The following RNF182 variants were observed in gnomAD, a reference collection of about 807,000 sequenced individuals.
RNF182 encodes the protein E3 ubiquitin-protein ligase RNF182.
In RNF182, 15 loss-of-function variants were observed where a neutral mutation model predicts 14.4. That is an observed-to-expected ratio of 1.04 (90% CI 0.70 to 1.60). The LOEUF (loss-of-function observed/expected upper bound fraction) is 1.60. Ranked by LOEUF, RNF182 falls within the 40% of genes most tolerant of loss-of-function variation. RNF182 has a pLI of 0.00. For synonymous variants in RNF182, 128 were observed against 122.9 expected (o/e 1.04, Z -0.27); for missense variants, 268 against 294.8 (o/e 0.91, Z 0.67).
At position 13,951,317 on chromosome 6, in the gene RNF182, A is replaced by G. The variant is rs1042038300; in HGVS notation, c.-366-22893A>G. ...AGTTTCTAGGGCCTAATAAGCAGGC[A>G]TGGTTGGAAGGCAAAACAGATCCTC... On this transcript the variant is annotated intron_variant, in intron 1 of 2. Transcript: ENST00000488300. Among the ~76,000 whole-genome samples, 36 of 152,228 alleles carry G rather than the reference A, an allele frequency of 2.4e-4. 1 individual carries two copies. Among genetic ancestry groups the G allele is most frequent in the Non-Finnish European group, 1.2e-4 (8 of 68,036 alleles).
intron 1 of RNF182, among the ~76,000 whole-genome samples, chr6:13,952,884 C>G (rs963999017): frequency 2.0e-5 from 3 of 152,112 alleles, no homozygotes; most frequent in Admixed American, 2.0e-4. Context: ...GATAACAAAG[C>G]AAAAAGTCGT....
At chr6:13,926,773 GTT>G (rs1758838874) in intron 1 of RNF182, among the ~76,000 whole-genome samples, 2 of 148,774 alleles carry the variant, frequency 1.3e-5, no homozygotes. Context: ...TATTTTGTGT[GTT>G]TGTGTGTGTG....
intron 1 of RNF182, among the ~76,000 whole-genome samples, chr6:13,925,822 A>C (rs1247018042): frequency 2.0e-5 from 3 of 152,106 alleles, no homozygotes; most frequent in Non-Finnish European, 4.4e-5. Context: ...GGTGTTTATG[A>C]GTGGGATGAT....
intron 1 of RNF182, among the ~76,000 whole-genome samples, chr6:13,967,026 C>T (rs1215032314): frequency 1.3e-5 from 2 of 151,988 alleles, no homozygotes; most frequent in East Asian, 3.9e-4. Flanking sequence ...TTTGTAGAGA[C>T]AGAGCTTTGC....
intron 1 of RNF182, chr6:13,949,022 C>T (rs1585037099): frequency 5.3e-6 from 3 of 562,780 alleles, no homozygotes; most frequent in East Asian, 5.9e-5. Context: ...CTACTCACTC[C>T]TAATCAGTTT....
chr6:13,972,866 A>C (rs571891108), intron 1 of RNF182, among the ~76,000 whole-genome samples: 4 of 152,320 alleles, frequency 2.6e-5, no homozygotes, highest in African/African-American at 9.6e-5. Context: ...TGGAGCCCCC[A>C]CACTGAGTCC....
chr6:13,947,423 G>A (rs1759467087), intron 1 of RNF182, among the ~76,000 whole-genome samples: 1 of 152,246 alleles, frequency 6.6e-6, no homozygotes, highest in East Asian at 1.9e-4. Flanking sequence ...GGACTGATTT[G>A]TTGGCAAAAT....
At chr6:13,928,253 T>C (rs1310169370) in intron 1 of RNF182, among the ~76,000 whole-genome samples, 1 of 152,234 alleles carries the variant, frequency 6.6e-6, no homozygotes, top group East Asian at 1.9e-4. Context: ...TAAACGATTG[T>C]TTTCCTGATG....
At position 13,977,793 on chromosome 6, in the gene RNF182, T is replaced by G; in HGVS notation, c.674T>G (p.Ile225Ser). ...AGCCTGGTCCCTTCGAGCCTCGTTA[T>G]TCTTATGGTGTATGGTTTTTGCCAG... ...FVSLVPSSLVILMVYGFCQCV... is the reference protein window; with the variant it reads ...FVSLVPSSLVSLMVYGFCQCV... The change falls in exon 3 of 3, where the codon ATT becomes AGT. Residue 225 changes from isoleucine (I) to serine (S), a missense_variant. Ile to Ser is a moderately radical substitution (Grantham distance 142, BLOSUM62 -2). Transcript: ENST00000488300. 6.2e-7 allele frequency: 1 copy of G among 1,614,208 alleles called. No individual in the cohort carries two copies. Among genetic ancestry groups the G allele is most frequent in the South Asian group, 1.1e-5 (1 of 91,084 alleles).
At chr6:13,952,408 T>A (rs1759617601) in intron 1 of RNF182, among the ~76,000 whole-genome samples, 1 of 152,030 alleles carries the variant, frequency 6.6e-6, no homozygotes, top group Non-Finnish European at 1.5e-5. Flanking sequence ...GCGGTCAACA[T>A]CCCATAGTGT....
At position 13,980,277 on chromosome 6, in the gene RNF182, G is replaced by T. The variant is rs184096110; in HGVS notation, c.*2414G>T. The T allele has an allele frequency of 1.3e-5, 2 of 150,422 alleles. No individual in the cohort carries two copies. Among genetic ancestry groups the T allele is most frequent in the East Asian group, 3.9e-4 (2 of 5,130 alleles). 9.3% of individuals were successfully genotyped at this position (150,422 alleles called of 1,614,324 possible). ...TTAAAGCAGGGGAGAAAAATTAGGGGAGATGAAATAAAAATATCGTCTTTA... is the reference window on the plus strand; with the variant it reads ...TTAAAGCAGGGGAGAAAAATTAGGGTAGATGAAATAAAAATATCGTCTTTA... On this transcript the variant is annotated 3_prime_UTR_variant, in exon 3 of 3. Coordinates refer to ENST00000488300, the MANE Select transcript of RNF182 (RefSeq NM_152737.4).
At chr6:13,966,633 C>CACACCTGT (rs1377477389) in intron 1 of RNF182, among the ~76,000 whole-genome samples, 2 of 151,894 alleles carry the variant, frequency 1.3e-5, no homozygotes, top group East Asian at 3.9e-4. Context: ...CGTGGTGGCG[C>CACACCTGT]ACACCTGTAA....
rs1269556857 is a variant in RNF182, at chr6:13,977,980, A to G, written c.*117A>G. On this transcript the variant is annotated 3_prime_UTR_variant, in exon 3 of 3. Coordinates refer to ENST00000488300, the MANE Select transcript of RNF182 (RefSeq NM_152737.4). Reference sequence around the variant, plus strand: ...GATTAGTATCCATGACATTAACAAAACCCTTGGCCACATGTTGACTTGATT... The same window carrying G: ...GATTAGTATCCATGACATTAACAAAGCCCTTGGCCACATGTTGACTTGATT... The G allele has an allele frequency of 4.4e-6, 5 of 1,125,862 alleles. No individual in the cohort carries two copies. In the African/African-American group the frequency reaches 4.7e-5, roughly 11 times the overall value. The allele number at this position is 1,125,862 out of a possible 1,614,324, so 69.7% of individuals were successfully genotyped here. A position where few individuals can be genotyped will look rare whatever the true frequency, so the allele number is the denominator to read the frequency against.
intron 1 of RNF182, among the ~76,000 whole-genome samples, chr6:13,944,668 G>T (rs1759390851): frequency 1.3e-5 from 2 of 152,192 alleles, no homozygotes; most frequent in African/African-American, 4.8e-5. Flanking sequence ...CGAATGTTTA[G>T]TTAACCAGGT....
At chr6:13,966,411 C>T (rs1760029026) in intron 1 of RNF182, among the ~76,000 whole-genome samples, 1 of 152,124 alleles carries the variant, frequency 6.6e-6, no homozygotes, top group Non-Finnish European at 1.5e-5. Flanking sequence ...TTGGAAAATT[C>T]ACAAATTTTT....
intron 1 of RNF182, among the ~76,000 whole-genome samples, chr6:13,927,607 C>T (rs1758861498): frequency 6.6e-6 from 1 of 152,132 alleles, no homozygotes; most frequent in African/African-American, 2.4e-5. Context: ...CACAAATGTT[C>T]CTGTTTAAGT....
At chr6:13,930,981 C>G (rs2113578333) in intron 1 of RNF182, among the ~76,000 whole-genome samples, 1 of 152,266 alleles carries the variant, frequency 6.6e-6, no homozygotes, top group East Asian at 1.9e-4. Context: ...AGTGAAGATG[C>G]TTTTGGGATT....
chr6:13,966,236 A>G (rs548051622), intron 1 of RNF182, among the ~76,000 whole-genome samples: 28 of 152,338 alleles, frequency 1.8e-4, no homozygotes, highest in Non-Finnish European at 3.7e-4. Context: ...AAGATACTCA[A>G]TAATACAAAG....
At chr6:13,931,620 A>G (rs9464423) in intron 1 of RNF182, among the ~76,000 whole-genome samples, 46,281 of 151,398 alleles carry the variant, frequency 0.31, 7,705 homozygotes, top group East Asian at 0.57. Flanking sequence ...ATGATCATCT[A>G]ATTATATAGA....
Sources: allele counts gnomAD v4.1 joint callset (sites outside exome capture counted in the v4.1 genomes callset), GRCh38; gene constraint gnomAD v4.1.1; transcripts MANE v1.5; gene names NCBI Gene and HGNC (gene_info 2026-07-23, HGNC 2026-07-21).